The following ATAD2B variants were observed in gnomAD, a reference collection of about 807,000 sequenced individuals.
ATAD2B encodes the protein ATPase family AAA domain-containing protein 2B.
ATAD2B carries 40 observed loss-of-function variants against 167.6 expected under a neutral mutation model. The observed-to-expected ratio is 0.24, with a 90% confidence interval of 0.19 to 0.31. ATAD2B has a LOEUF of 0.31. ATAD2B is among the 10% of genes least tolerant of loss of function. ATAD2B has a pLI of 1.00. For missense variants in ATAD2B, 1,242 were observed against 1,757.2 expected (o/e 0.71, Z 5.24); for synonymous variants, 579 against 596.5 (o/e 0.97, Z 0.43).
At chr2:23,855,171 C>G (rs1693190488) in intron 13 of ATAD2B, among the ~76,000 whole-genome samples, 1 of 137,714 alleles carries the variant, frequency 7.3e-6, no homozygotes, top group South Asian at 2.3e-4. Flanking sequence ...TCCAACAGGG[C>G]AACAGAGCAA....
the ATAD2B span, among the ~76,000 whole-genome samples, chr2:23,692,234 C>T: frequency 6.6e-6 from 1 of 152,334 alleles, no homozygotes; most frequent in South Asian, 2.1e-4. Context: ...AGACCCTGAA[C>T]AAAGCAGCCC....
chr2:23,697,984 A>G, the ATAD2B span: 7 of 152,216 alleles, frequency 4.6e-5, no homozygotes, highest in Non-Finnish European at 1.0e-4. Flanking sequence ...ATCTCCTAAG[A>G]CACTGATTAC....
At chr2:23,862,983 G>A (rs1694642744) in intron 12 of ATAD2B, among the ~76,000 whole-genome samples, 1 of 152,156 alleles carries the variant, frequency 6.6e-6, no homozygotes, top group Non-Finnish European at 1.5e-5. Flanking sequence ...TACTAATCCT[G>A]AATATAACAT....
chr2:23,865,423 G>T (rs1294741198), intron 10 of ATAD2B, among the ~76,000 whole-genome samples: 1 of 152,016 alleles, frequency 6.6e-6, no homozygotes, highest in Non-Finnish European at 1.5e-5. Context: ...CAGCTACTTG[G>T]GAGGCTGAGG....
At chr2:23,837,421 CCT>C (rs1459704644) in intron 13 of ATAD2B, among the ~76,000 whole-genome samples, 1 of 152,320 alleles carries the variant, frequency 6.6e-6, no homozygotes. Flanking sequence ...GGGCTGGACC[CCT>C]GTCTGCACCC....
chr2:23,732,296 T>C, the ATAD2B span, among the ~76,000 whole-genome samples: 1 of 152,272 alleles, frequency 6.6e-6, no homozygotes, highest in Non-Finnish European at 1.5e-5. Context: ...GGGGAATTTG[T>C]AGATTAAGAG....
At chr2:23,689,912 A>G in the ATAD2B span, 1 of 152,312 alleles carries the variant, frequency 6.6e-6, no homozygotes, top group Non-Finnish European at 1.5e-5. Flanking sequence ...AATTCACTTT[A>G]GAAGTCACTC....
At chr2:23,786,328 T>C in intron 20 of ATAD2B, 105 bp from the exon 21 acceptor site, 1 of 954,760 alleles carries the variant, frequency 1.0e-6, no homozygotes, top group Non-Finnish European at 1.5e-6. Flanking sequence ...ACAAATACAG[T>C]CATGTGTTGC....
intron 20 of ATAD2B, 39 bp downstream of exon 20, chr2:23,788,473 C>T (rs1681154644): frequency 6.2e-7 from 1 of 1,600,186 alleles, no homozygotes; most frequent in African/African-American, 1.3e-5. Flanking sequence ...TTTCTTAACT[C>T]CATCCCTCCC....
At chr2:23,890,227 A>T (rs1272206125) in intron 2 of ATAD2B, among the ~76,000 whole-genome samples, 1 of 152,136 alleles carries the variant, frequency 6.6e-6, no homozygotes, top group Non-Finnish European at 1.5e-5. Flanking sequence ...AACAAAAAAT[A>T]AATAATAAAT....
chr2:23,859,237 C>T (rs989304680), intron 12 of ATAD2B, among the ~76,000 whole-genome samples: 4 of 152,154 alleles, frequency 2.6e-5, no homozygotes, highest in Non-Finnish European at 5.9e-5. Context: ...TTTTCCTATG[C>T]TGCCCATTAC....
intron 4 of ATAD2B, among the ~76,000 whole-genome samples, chr2:23,886,844 TG>T: frequency 6.7e-6 from 1 of 149,456 alleles, no homozygotes; most frequent in African/African-American, 2.5e-5. Flanking sequence ...GGCATGAGAA[TG>T]GCATGAACTG....
chr2:23,926,995 GCA>G lies in ATAD2B; in HGVS notation c.-227_-226del. 3 of 521,076 alleles carry G rather than the reference GCA, an allele frequency of 5.8e-6. No homozygotes were observed. The highest frequency in any genetic ancestry group is 9.9e-6 in the Non-Finnish European group (3 of 303,664). 32.3% of individuals were successfully genotyped at this position (521,076 alleles called of 1,614,324 possible). ...GCGGGGGCGGTGCTGCAGACCGGCAGCACAGACACTCCGCCGGCTTCGCCCTC... is the reference window on the plus strand; with the variant it reads ...GCGGGGGCGGTGCTGCAGACCGGCAGCAGACACTCCGCCGGCTTCGCCCTC... On this transcript the variant is annotated 5_prime_UTR_variant, in exon 1 of 28. Coordinates refer to ENST00000238789, the MANE Select transcript of ATAD2B (RefSeq NM_017552.4).
chr2:23,915,615 G>GAC, intron 1 of ATAD2B, among the ~76,000 whole-genome samples: 1 of 21,154 alleles, frequency 4.7e-5, no homozygotes, highest in East Asian at 1.9e-3. Flanking sequence ...TTTTTTTTGA[G>GAC]ACAGTCTTGC....
At chr2:23,758,127 T>C in intron 24 of ATAD2B, 26 bp from the exon 25 acceptor site, 3 of 1,496,660 alleles carry the variant, frequency 2.0e-6, no homozygotes, top group Non-Finnish European at 2.7e-6. Flanking sequence ...GGAAAAAAGA[T>C]ATGTAGAACT....
intron 22 of ATAD2B, among the ~76,000 whole-genome samples, chr2:23,782,325 T>C (rs1323918188): frequency 6.6e-6 from 1 of 152,258 alleles, no homozygotes; most frequent in Non-Finnish European, 1.5e-5. Context: ...ATAAATCACC[T>C]CATTTTGTTT....
At chr2:23,692,599 G>A in the ATAD2B span, among the ~76,000 whole-genome samples, 28 of 152,328 alleles carry the variant, frequency 1.8e-4, no homozygotes, top group South Asian at 4.1e-3. Context: ...CGATGGCAGT[G>A]AGGCTCGCGC....
chr2:23,768,298 G>T (rs987342232), intron 22 of ATAD2B, among the ~76,000 whole-genome samples: 4 of 152,106 alleles, frequency 2.6e-5, no homozygotes, highest in African/African-American at 9.7e-5. Flanking sequence ...CTTTGGGAGG[G>T]AAAGGTAGTA....
chr2:23,698,400 C>A, the ATAD2B span, among the ~76,000 whole-genome samples: 1 of 152,136 alleles, frequency 6.6e-6, no homozygotes, highest in Non-Finnish European at 1.5e-5. Flanking sequence ...AGCTAGACCC[C>A]CTTCGGGTAG....
Sources: gnomAD v4.1 joint callset for allele counts (sites outside exome capture counted in the v4.1 genomes callset) on GRCh38, gnomAD v4.1.1 for gene constraint, MANE v1.5 for transcripts, NCBI Gene and HGNC (gene_info 2026-07-23, HGNC 2026-07-21) for gene names.